AXDND1: variants seen among roughly 807,000 people sequenced by gnomAD.
AXDND1 encodes axonemal dynein light chain domain containing 1.
In AXDND1, 110 loss-of-function variants were observed where a neutral mutation model predicts 137.5. The ratio of observed to expected loss-of-function variants is 0.80; its 90% CI spans 0.69 to 0.94. AXDND1 has a LOEUF of 0.94. AXDND1 is among the 40% of genes least tolerant of loss of function. The pLI, the probability that AXDND1 is intolerant of heterozygous loss-of-function variation, is 0.00. For missense variants in AXDND1, 1,191 were observed against 1,169.8 expected (o/e 1.02, Z -0.26); for synonymous variants, 414 against 399.7 (o/e 1.04, Z -0.43).
intron 11 of AXDND1, among the ~76,000 whole-genome samples, chr1:179,408,994 A>G (rs1327260454): frequency 7.3e-6 from 1 of 136,810 alleles, no homozygotes; most frequent in Non-Finnish European, 1.6e-5. Flanking sequence ...TTTTTTGCCA[A>G]AAATGACATT....
chr1:179,484,291 G>C (rs2125546085), intron 18 of AXDND1, among the ~76,000 whole-genome samples: 1 of 152,254 alleles, frequency 6.6e-6, no homozygotes, highest in East Asian at 1.9e-4. Context: ...TTTGGTGCAG[G>C]AGCATCTATA....
chr1:179,371,296 C>T (rs574955070), intron 4 of AXDND1, among the ~76,000 whole-genome samples: 15 of 152,008 alleles, frequency 9.9e-5, no homozygotes, highest in Non-Finnish European at 1.6e-4. Context: ...GGCGTGGTGG[C>T]GCACACCTGT....
At position 179,429,564 on chromosome 1, in the gene AXDND1, A is replaced by G; in HGVS notation, c.1277A>G (p.Asn426Ser). ...ATATTGGCTAGAAGACTTTACCTTA[A>G]TGAAAAAGGCTGGAATAAATACACT... ...RVILARRLYLNEKGWNKYTKH... is the reference protein window; with the variant it reads ...RVILARRLYLSEKGWNKYTKH... The change falls in exon 13 of 26, where the codon AAT becomes AGT. Residue 426 changes from asparagine (N) to serine (S), a missense_variant. Coordinates refer to ENST00000367618, the MANE Select transcript of AXDND1 (RefSeq NM_144696.6). The G allele has an allele frequency of 6.3e-7, 1 of 1,578,946 alleles. No homozygotes were observed.
chr1:179,491,933 G>A (rs1189377168), intron 19 of AXDND1, among the ~76,000 whole-genome samples, 196 bp downstream of exon 19: 3 of 152,132 alleles, frequency 2.0e-5, no homozygotes, highest in African/African-American at 4.8e-5. Flanking sequence ...CTGTTGGCAC[G>A]GGCAGGATGA....
chr1:179,436,957 G>A (rs987941763), intron 15 of AXDND1, among the ~76,000 whole-genome samples: 1 of 150,246 alleles, frequency 6.7e-6, no homozygotes, highest in Non-Finnish European at 1.5e-5. Flanking sequence ...GTAAAGATTA[G>A]TAACTTTTGC....
chr1:179,501,105 C>G (rs192802180), intron 20 of AXDND1, among the ~76,000 whole-genome samples: 98 of 152,176 alleles, frequency 6.4e-4, no homozygotes, highest in Non-Finnish European at 1.1e-3. Flanking sequence ...ATGGAAAGTT[C>G]TATTAAACAG....
chr1:179,548,502 C>G (rs1230848738), intron 25 of AXDND1, among the ~76,000 whole-genome samples: 1 of 152,162 alleles, frequency 6.6e-6, no homozygotes, highest in Non-Finnish European at 1.5e-5. Context: ...CAGAAGAAGC[C>G]GTTGGAAGTG....
intron 17 of AXDND1, among the ~76,000 whole-genome samples, chr1:179,480,641 G>T (rs139432639): frequency 6.6e-6 from 1 of 152,122 alleles, no homozygotes; most frequent in Admixed American, 6.5e-5. Context: ...ATCATGCCTT[G>T]TAAGGTTTCT....
chr1:179,393,585 T>G (rs1650536322), intron 9 of AXDND1, among the ~76,000 whole-genome samples: 3 of 152,188 alleles, frequency 2.0e-5, no homozygotes. Flanking sequence ...ACAATATTGA[T>G]TCTACCCATC....
chr1:179,398,661 C>T (rs1299360093), intron 11 of AXDND1, among the ~76,000 whole-genome samples: 1 of 152,130 alleles, frequency 6.6e-6, no homozygotes, highest in Non-Finnish European at 1.5e-5. Flanking sequence ...GGGGGCAAGG[C>T]TCTGGCAGAT....
intron 9 of AXDND1, among the ~76,000 whole-genome samples, chr1:179,392,266 G>A (rs560879374): frequency 2.6e-5 from 4 of 152,142 alleles, no homozygotes; most frequent in African/African-American, 9.7e-5. Flanking sequence ...TAGAATAATG[G>A]TCTCAAACTC....
chr1:179,500,337 A>ATGTGTGTG (rs57654195), intron 20 of AXDND1, among the ~76,000 whole-genome samples: 1,973 of 133,834 alleles, frequency 0.015, 35 homozygotes, highest in East Asian at 0.055. Context: ...AGGGTACATT[A>ATGTGTGTG]TGTGTGTGTG....
chr1:179,464,135 G>A (rs956784910), intron 16 of AXDND1, among the ~76,000 whole-genome samples: 2 of 152,066 alleles, frequency 1.3e-5, no homozygotes, highest in African/African-American at 4.8e-5. Flanking sequence ...TTAATATTAT[G>A]TGTGAATTTG....
chr1:179,533,088 C>T (rs1036072233), intron 23 of AXDND1: 11 of 151,998 alleles, frequency 7.2e-5, no homozygotes, highest in African/African-American at 2.2e-4. Context: ...TCTTCTATCT[C>T]TCCTTCCGTC....
At chr1:179,404,219 T>A (rs1157753293) in intron 11 of AXDND1, among the ~76,000 whole-genome samples, 1 of 132,138 alleles carries the variant, frequency 7.6e-6, no homozygotes, top group Admixed American at 9.2e-5. Flanking sequence ...GAGCTTTTTC[T>A]TTGTCTTTTT....
chr1:179,443,988 T>C (rs896710811), intron 15 of AXDND1, among the ~76,000 whole-genome samples: 1 of 151,994 alleles, frequency 6.6e-6, no homozygotes, highest in African/African-American at 2.4e-5. Context: ...AGGAATAACT[T>C]GAACAGTATA....
chr1:179,432,025 T>A (rs2125315422), intron 14 of AXDND1, among the ~76,000 whole-genome samples: 1 of 152,088 alleles, frequency 6.6e-6, no homozygotes, highest in East Asian at 1.9e-4. Context: ...GACCACCCTT[T>A]AAAAAAAATA....
intron 12 of AXDND1, among the ~76,000 whole-genome samples, chr1:179,416,802 G>A (rs899947254): frequency 1.3e-5 from 2 of 152,150 alleles, no homozygotes; most frequent in Non-Finnish European, 2.9e-5. Context: ...GGGAGTAACA[G>A]TGCAGAGATC....
chr1:179,417,229 A>AT (rs1654846409), intron 12 of AXDND1, among the ~76,000 whole-genome samples: 1 of 145,654 alleles, frequency 6.9e-6, no homozygotes, highest in Non-Finnish European at 1.5e-5. Context: ...TGAGCTCCTT[A>AT]TAAATTCTGG....
Sources: allele counts gnomAD v4.1 joint callset (sites outside exome capture counted in the v4.1 genomes callset), GRCh38; gene constraint gnomAD v4.1.1; transcripts MANE v1.5; gene names NCBI Gene and HGNC (gene_info 2026-07-23, HGNC 2026-07-21).